DCHS2: variants seen among roughly 807,000 people sequenced by gnomAD.
DCHS2 encodes the protein protocadherin-23.
A neutral mutation model predicts 182.4 loss-of-function variants in DCHS2; 142 were observed. The observed-to-expected ratio is 0.78, with a 90% CI of 0.68 to 0.89. The LOEUF (loss-of-function observed/expected upper bound fraction) is 0.89, where lower values mean the gene tolerates loss of function less well. Ranked by LOEUF, DCHS2 falls within the 40% of genes least tolerant of loss-of-function variation. The pLI is 0.00. For synonymous variants in DCHS2, 1,740 were observed against 1,663.3 expected (o/e 1.05, Z -1.12); for missense variants, 4,319 against 4,198.6 (o/e 1.03, Z -0.79).
intron 3 of DCHS2, among the ~76,000 whole-genome samples, chr4:154,344,276 C>T (rs1729252706): frequency 6.6e-6 from 1 of 151,904 alleles, no homozygotes; most frequent in South Asian, 2.1e-4. Flanking sequence ...ACAAAGTGTC[C>T]CCATAACACT....
chr4:154,478,101 G>T (rs1234445272), intron 1 of DCHS2, among the ~76,000 whole-genome samples: 1 of 152,206 alleles, frequency 6.6e-6, no homozygotes, highest in Non-Finnish European at 1.5e-5. Flanking sequence ...AGTAACACTA[G>T]TTAATCCAAA....
At chr4:154,445,606 C>G (rs1162821038) in intron 1 of DCHS2, among the ~76,000 whole-genome samples, 1 of 152,066 alleles carries the variant, frequency 6.6e-6, no homozygotes. Flanking sequence ...CCCAGGAGTT[C>G]AAGACTAGCG....
At chr4:154,437,121 C>A (rs769303329) in intron 1 of DCHS2, among the ~76,000 whole-genome samples, 8 of 152,072 alleles carry the variant, frequency 5.3e-5, no homozygotes, top group Non-Finnish European at 8.8e-5. Context: ...TCAGTTTAGC[C>A]CCTTGCTACT....
At position 154,377,345 on chromosome 4, in the gene DCHS2, C is replaced by T. The variant is rs199834342; in HGVS notation, c.2152G>A (p.Asp718Asn). The T allele has an allele frequency of 4.1e-5, 66 of 1,613,530 alleles. No homozygotes were observed. Among genetic ancestry groups the T allele is most frequent in the Middle Eastern group, 1.6e-4 (1 of 6,080 alleles). Residue 718 changes from aspartate to asparagine, a missense_variant, in exon 2 of 20, where the codon GAC becomes AAC. By Grantham distance (23) the Asp-to-Asn change is conservative (BLOSUM62 1). Coordinates refer to ENST00000357232, the MANE Select transcript of DCHS2 (RefSeq NM_001358235.2). ...SYEAPQAFRI[D>N]PHDGQICVSQ... ...ACACAGATTTGCCCATCATGAGGGT[C>T]GATCCGGAATGCCTGAGGTGCTTCA...
At chr4:154,241,172 TG>T (rs1731807833) in intron 17 of DCHS2, among the ~76,000 whole-genome samples, 1 of 152,108 alleles carries the variant, frequency 6.6e-6, no homozygotes, top group African/African-American at 2.4e-5. Context: ...CATATCTTCA[TG>T]GGGGATATGA....
At chr4:154,270,282 G>T (rs1299495783) in intron 13 of DCHS2, among the ~76,000 whole-genome samples, 1 of 152,180 alleles carries the variant, frequency 6.6e-6, no homozygotes, top group East Asian at 1.9e-4. Flanking sequence ...CATAATCATA[G>T]AAAAGTTTCA....
chr4:154,306,319 C>T (rs892746204), intron 10 of DCHS2, among the ~76,000 whole-genome samples: 31 of 152,032 alleles, frequency 2.0e-4, no homozygotes, highest in African/African-American at 7.2e-4. Flanking sequence ...ATGACATGGT[C>T]AGAGGTCACC....
At chr4:154,400,730 C>A (rs1016422010) in intron 1 of DCHS2, among the ~76,000 whole-genome samples, 12 of 152,202 alleles carry the variant, frequency 7.9e-5, no homozygotes, top group Non-Finnish European at 1.3e-4. Flanking sequence ...AGGTTTCACA[C>A]TCATGCTAGC....
In DCHS2 at chr4:154,232,652, TC is replaced by T. The variant is rs1247770193; in HGVS notation, c.*1883del. 3 of 152,134 alleles carry T rather than the reference TC, an allele frequency of 2.0e-5. No homozygotes were observed. Among genetic ancestry groups the T allele is most frequent in the Non-Finnish European group, 4.4e-5 (3 of 68,018 alleles). 9.4% of individuals were successfully genotyped at this position (152,134 alleles called of 1,614,324 possible). A position where few individuals can be genotyped will look rare whatever the true frequency, so the allele number is the denominator to read the frequency against. Reference sequence around the variant, plus strand: ...AATTAGGAAAATATAGTATAGGGTTTCTTTCTATGCTCAAAGCAATGTTTTC... The same window carrying T: ...AATTAGGAAAATATAGTATAGGGTTTTTTCTATGCTCAAAGCAATGTTTTC... On this transcript the variant is annotated 3_prime_UTR_variant, in exon 20 of 20. Coordinates refer to ENST00000357232, the MANE Select transcript of DCHS2 (RefSeq NM_001358235.2).
chr4:154,286,798 A>G (rs1453171815), intron 13 of DCHS2, among the ~76,000 whole-genome samples: 4 of 152,154 alleles, frequency 2.6e-5, no homozygotes, highest in Non-Finnish European at 5.9e-5. Flanking sequence ...AGTTTATTCA[A>G]AGGGATGATA....
At position 154,270,004 on chromosome 4, in the gene DCHS2, A is replaced by G; in HGVS notation, c.6473T>C (p.Ile2158Thr). The part of the protein sequence containing the change: ...VTENCEAGTS[I>T]VTVKAFAPDS... Reference sequence around the variant, plus strand: ...AGGAGCAAAAGCTTTAACAGTCACAATAGAAGTACCTGTAAAAATTAGGTA... The same window carrying G: ...AGGAGCAAAAGCTTTAACAGTCACAGTAGAAGTACCTGTAAAAATTAGGTA... Residue 2158 changes from isoleucine to threonine, a missense_variant, in exon 14 of 20, where the codon ATT becomes ACT. Coordinates refer to ENST00000357232, the MANE Select transcript of DCHS2 (RefSeq NM_001358235.2). The G allele has an allele frequency of 6.2e-7, 1 of 1,601,760 alleles. No individual in the cohort carries two copies. Among genetic ancestry groups the G allele is most frequent in the Non-Finnish European group, 8.5e-7 (1 of 1,176,730 alleles).
intron 2 of DCHS2, among the ~76,000 whole-genome samples, chr4:154,372,775 G>T (rs1019459956): frequency 1.3e-5 from 2 of 152,108 alleles, no homozygotes; most frequent in Non-Finnish European, 2.9e-5. Context: ...GAGATAAATA[G>T]CAGCAGCAGT....
At chr4:154,485,969 C>T (rs1408122523) in intron 1 of DCHS2, among the ~76,000 whole-genome samples, 1 of 152,154 alleles carries the variant, frequency 6.6e-6, no homozygotes, top group Non-Finnish European at 1.5e-5. Flanking sequence ...AACATGAGAA[C>T]TGGAGGAAAA....
chr4:154,282,846 C>T (rs1442190678), intron 13 of DCHS2, among the ~76,000 whole-genome samples: 1 of 152,106 alleles, frequency 6.6e-6, no homozygotes, highest in East Asian at 1.9e-4. Flanking sequence ...ATTATTTGGC[C>T]TTTAAAAAGA....
intron 13 of DCHS2, among the ~76,000 whole-genome samples, chr4:154,272,793 T>C (rs1292718802): frequency 6.6e-6 from 1 of 152,188 alleles, no homozygotes; most frequent in Non-Finnish European, 1.5e-5. Context: ...ATCTTTTAAA[T>C]TGTAGCCATC....
chr4:154,438,063 C>T (rs906237601), intron 1 of DCHS2, among the ~76,000 whole-genome samples: 2 of 152,128 alleles, frequency 1.3e-5, no homozygotes, highest in Admixed American at 6.5e-5. Context: ...CTCAGTCCCC[C>T]TGTATACTTC....
chr4:154,333,633 C>A (rs946808306), intron 4 of DCHS2, 139 bp from the exon 5 acceptor site: 4 of 820,230 alleles, frequency 4.9e-6, no homozygotes, highest in Admixed American at 2.9e-5. Context: ...TATGATGGTT[C>A]CGTAAGATTC....
intron 3 of DCHS2, among the ~76,000 whole-genome samples, chr4:154,362,232 C>T (rs1452097801): frequency 3.3e-5 from 5 of 152,084 alleles, no homozygotes; most frequent in African/African-American, 9.7e-5. Flanking sequence ...AGTAAAGTGC[C>T]AGCACAGGTA....
At chr4:154,286,996 C>T (rs1007126761) in intron 13 of DCHS2, among the ~76,000 whole-genome samples, 1 of 152,114 alleles carries the variant, frequency 6.6e-6, no homozygotes, top group Non-Finnish European at 1.5e-5. Flanking sequence ...AGCTCCAATA[C>T]ATCTGGAAGT....
Sources: gnomAD v4.1 joint callset for allele counts (sites outside exome capture counted in the v4.1 genomes callset) on GRCh38, gnomAD v4.1.1 for gene constraint, MANE v1.5 for transcripts, NCBI Gene and HGNC (gene_info 2026-07-23, HGNC 2026-07-21) for gene names.